The following CRB1 variants were observed in gnomAD, a reference collection of about 807,000 sequenced individuals.
CRB1 encodes crumbs cell polarity complex component 1.
A neutral mutation model predicts 120.0 loss-of-function variants in CRB1; 83 were observed. That is an observed-to-expected ratio of 0.69 (90% CI 0.58 to 0.83). The LOEUF is 0.83. CRB1 is among the 40% of genes least tolerant of loss of function. CRB1 has a pLI of 0.00. For synonymous variants in CRB1, 625 were observed against 612.5 expected (o/e 1.02, Z -0.30); for missense variants, 1,699 against 1,687.6 (o/e 1.01, Z -0.12).
intron 8 of CRB1, 46 bp from the exon 9 acceptor site, chr1:197,434,660 T>C: frequency 6.5e-7 from 1 of 1,531,930 alleles, no homozygotes; most frequent in Non-Finnish European, 9.0e-7. Flanking sequence ...TTAAGCAAAC[T>C]ATAGATTTAA....
intron 5 of CRB1, among the ~76,000 whole-genome samples, chr1:197,416,346 A>G (rs1394115337): frequency 6.6e-6 from 1 of 152,228 alleles, no homozygotes; most frequent in Non-Finnish European, 1.5e-5. Context: ...ACTTTCCTAA[A>G]TATGCTCTAA....
chr1:197,335,741 G>A (rs909597809), intron 2 of CRB1, among the ~76,000 whole-genome samples: 3 of 152,198 alleles, frequency 2.0e-5, no homozygotes, highest in East Asian at 1.9e-4. Flanking sequence ...CCTGTGATCC[G>A]CCGCCTAGGC....
chr1:197,298,628 G>A (rs1185625416), intron 1 of CRB1, among the ~76,000 whole-genome samples: 14 of 151,976 alleles, frequency 9.2e-5, no homozygotes, highest in Admixed American at 8.5e-4. Context: ...TGTCCTACCA[G>A]ATAATATAGC....
chr1:197,217,328 G>T, the CRB1 span, among the ~76,000 whole-genome samples: 2 of 152,094 alleles, frequency 1.3e-5, no homozygotes, highest in Non-Finnish European at 1.5e-5. Context: ...CAGTGTATAT[G>T]CCTAAGAGAG....
the CRB1 span, among the ~76,000 whole-genome samples, chr1:197,228,549 A>G: frequency 1.3e-5 from 2 of 152,176 alleles, no homozygotes; most frequent in African/African-American, 4.8e-5. Context: ...TTATTGTCCA[A>G]TATTACTATC....
At chr1:197,347,289 C>G in intron 3 of CRB1, 51 bp from the exon 4 acceptor site, 1 of 1,519,276 alleles carries the variant, frequency 6.6e-7, no homozygotes, top group Non-Finnish European at 9.1e-7. Flanking sequence ...ATAAAGATAT[C>G]TGATCTCAAT....
Position 197,435,074 on chromosome 1 carries a change from C to A in CRB1, c.3211C>A (p.Leu1071Ile). ...GACCAGCACAATTGCTACTGGAAGC[C>A]TCAACTTTTTGAAGGATAATACAGA... ...FVTSTIATGS[L>I]NFLKDNTDIY... is the part of the protein sequence containing the mutation. Residue 1071 changes from leucine (L) to isoleucine (I), a missense_variant, in exon 9 of 12, where the codon CTC becomes ATC. Coordinates refer to ENST00000367400, the MANE Select transcript of CRB1 (RefSeq NM_201253.3). 2 of 1,613,918 alleles carry A rather than the reference C, an allele frequency of 1.2e-6. No individual in the cohort carries two copies. Among genetic ancestry groups the A allele is most frequent in the Non-Finnish European group, 1.7e-6 (2 of 1,179,900 alleles).
At chr1:197,449,530 C>T (rs912860679) in intron 11 of CRB1, among the ~76,000 whole-genome samples, 4 of 152,048 alleles carry the variant, frequency 2.6e-5, no homozygotes, top group Admixed American at 1.3e-4. Flanking sequence ...CCACGCCCGG[C>T]TAATTTTTTG....
At chr1:197,288,803 GAAAAC>G (rs1655989598) in intron 1 of CRB1, among the ~76,000 whole-genome samples, 1 of 151,626 alleles carries the variant, frequency 6.6e-6, no homozygotes, top group Non-Finnish European at 1.5e-5. Context: ...AAAAGGATTA[GAAAAC>G]AAAACAAAGC....
At chr1:197,327,103 A>ACAAAC (rs749229702) in intron 1 of CRB1, among the ~76,000 whole-genome samples, 1,087 of 96,276 alleles carry the variant, frequency 0.011, 4 homozygotes, top group Middle Eastern at 0.019. Flanking sequence ...AAAAAAAAAA[A>ACAAAC]AAAAAAAAAA....
intron 11 of CRB1, among the ~76,000 whole-genome samples, chr1:197,471,876 G>A (rs1374328213): frequency 6.6e-6 from 1 of 152,146 alleles, no homozygotes; most frequent in East Asian, 1.9e-4. Context: ...CCAAATTGAC[G>A]ATCTACTTGT....
chr1:197,428,985 T>C (rs1169102157), intron 7 of CRB1: 2 of 1,532,102 alleles, frequency 1.3e-6, no homozygotes, highest in Non-Finnish European at 8.7e-7. Flanking sequence ...GGCAGACCAA[T>C]GTGGGAAGGG....
rs1667293836 is a variant in CRB1, at chr1:197,478,395, C to G, written c.*516C>G. The G allele has an allele frequency of 6.1e-6, 1 of 163,318 alleles. No individual in the cohort carries two copies. Among genetic ancestry groups the G allele is most frequent in the Non-Finnish European group, 1.3e-5 (1 of 74,092 alleles). The allele number at this position is 163,318 out of a possible 1,614,324, so 10.1% of individuals were successfully genotyped here. ...TTCATTCATGGATTCAGAGAAAGCTCTGGGAATGACTTATGGTCCAAAAAA... is the reference window on the plus strand; with the variant it reads ...TTCATTCATGGATTCAGAGAAAGCTGTGGGAATGACTTATGGTCCAAAAAA... On this transcript the variant is annotated 3_prime_UTR_variant, in exon 12 of 12. Transcript: ENST00000367400.
intron 11 of CRB1, among the ~76,000 whole-genome samples, chr1:197,453,840 T>C (rs547457607): frequency 1.4e-5 from 2 of 142,810 alleles, no homozygotes; most frequent in South Asian, 2.1e-4. Flanking sequence ...TAATATATTA[T>C]CAATATTATT....
chr1:197,319,432 CAAAAAAAAAAA>C (rs10646084), intron 1 of CRB1, among the ~76,000 whole-genome samples: 1 of 27,096 alleles, frequency 3.7e-5, no homozygotes, highest in African/African-American at 1.7e-4. Context: ...GACTCCATCT[CAAAAAAAAAAA>C]AAAAAAAAAA....
rs1660916933 is a variant in CRB1 at position 197,363,876 on chromosome 1, A to G, written c.1171+6863A>G. 4 of 972,952 alleles carry G rather than the reference A, an allele frequency of 4.1e-6. No individual in the cohort carries two copies. The African/African-American group carries it at 6.4e-5, about 16-fold the overall frequency. The allele number at this position is 972,952 out of a possible 1,614,324, so 60.3% of individuals were successfully genotyped here. A position where few individuals can be genotyped will look rare whatever the true frequency, so the allele number is the denominator to read the frequency against. On this transcript the variant is annotated intron_variant, in intron 5 of 11. Transcript: ENST00000367400. ...TGATGGTATAGGAAGGGAACGTGGA[A>G]GGTGCATAGAGGACCCTAAACAGAA...
intron 5 of CRB1, chr1:197,364,035 C>T: frequency 7.3e-7 from 1 of 1,376,608 alleles, no homozygotes; most frequent in Non-Finnish European, 1.0e-6. Flanking sequence ...ACAAGATCAA[C>T]TTCTTGATGC....
chr1:197,201,730 T>A, the CRB1 span, among the ~76,000 whole-genome samples: 1 of 152,184 alleles, frequency 6.6e-6, no homozygotes, highest in African/African-American at 2.4e-5. Context: ...AAACAGCAAC[T>A]GCCAGAAGCC....
At chr1:197,455,394 A>G (rs1175508266) in intron 11 of CRB1, among the ~76,000 whole-genome samples, 1 of 152,194 alleles carries the variant, frequency 6.6e-6, no homozygotes, top group Admixed American at 6.6e-5. Flanking sequence ...AGTTCCATCT[A>G]TGAAAAATAG....
Sources: gnomAD v4.1 joint callset for allele counts (sites outside exome capture counted in the v4.1 genomes callset) on GRCh38, gnomAD v4.1.1 for gene constraint, MANE v1.5 for transcripts, NCBI Gene and HGNC (gene_info 2026-07-23, HGNC 2026-07-21) for gene names.